TRMT10A: variants seen among roughly 807,000 people sequenced by gnomAD.
The protein encoded by TRMT10A is tRNA methyltransferase 10A.
In TRMT10A, 37 loss-of-function variants were observed where a neutral mutation model predicts 40.4. That is an observed-to-expected ratio of 0.92 (90% CI 0.71 to 1.21). TRMT10A has a LOEUF of 1.21. TRMT10A is among the 50% of genes most tolerant of loss of function. The pLI, the probability that TRMT10A is intolerant of heterozygous loss-of-function variation, is 0.00. For synonymous variants in TRMT10A, 103 were observed against 134.1 expected (o/e 0.77, Z 1.60); for missense variants, 388 against 404.3 (o/e 0.96, Z 0.35).
In TRMT10A at chr4:99,549,135, C is replaced by T; in HGVS notation, c.973G>A (p.Asp325Asn). 6.2e-7 allele frequency: 1 copy of T among 1,614,048 alleles called. No homozygotes were observed. The highest frequency in any genetic ancestry group is 8.5e-7 in the Non-Finnish European group (1 of 1,179,966). Residue 325 changes from aspartate to asparagine, a missense_variant, in exon 8 of 8, where the codon GAT becomes AAT. Coordinates refer to ENST00000394876, the MANE Select transcript of TRMT10A (RefSeq NM_001134665.3). ...ELDSPHEEKQ[D>N]KENHTESTVN... ...GTAGATTCAGTGTGATTTTCCTTAT[C>T]CTGCTTTTCTTCATGTGGTGAATCT...
Position 99,549,262 on chromosome 4 carries a change from G to A in TRMT10A, c.846C>T (p.Asp282=). Residue 282 remains aspartate, a synonymous_variant, in exon 8 of 8, where the codon GAC becomes GAT. Coordinates refer to ENST00000394876, the MANE Select transcript of TRMT10A (RefSeq NM_001134665.3). ...LPQRKGAVPT[D]KACESASHDN... is the part of the protein sequence containing the mutation. ...CATGAGAAGCACTTTCACAGGCTTT[G>A]TCTGTGGGAACAGCTCCTTTCCGTT... The A allele has an allele frequency of 2.5e-6, 4 of 1,614,112 alleles. No individual in the cohort carries two copies. The highest frequency in any genetic ancestry group is 2.5e-6 in the Non-Finnish European group (3 of 1,179,996).
chr4:99,557,757 T>C (rs780688016), intron 3 of TRMT10A: 12 of 411,946 alleles, frequency 2.9e-5, no homozygotes, highest in African/African-American at 2.1e-5. Flanking sequence ...ACCCCACAGA[T>C]CTTTATGATC....
intron 4 of TRMT10A, among the ~76,000 whole-genome samples, chr4:99,557,143 A>G (rs767044518): frequency 6.6e-6 from 1 of 152,218 alleles, no homozygotes; most frequent in African/African-American, 2.4e-5. Context: ...ACTGATGATT[A>G]CTGGAAAGAG....
At chr4:99,552,159 G>A (rs191667667) in intron 6 of TRMT10A, among the ~76,000 whole-genome samples, 1 of 152,064 alleles carries the variant, frequency 6.6e-6, no homozygotes, top group African/African-American at 2.4e-5. Context: ...ATTTAGTATA[G>A]CATAAGTGTA....
At chr4:99,556,078 A>G in intron 5 of TRMT10A, 68 bp downstream of exon 5, 1 of 1,432,418 alleles carries the variant, frequency 7.0e-7, no homozygotes. Context: ...GAATTTAGGT[A>G]CAAAATGTAG....
At position 99,556,144 on chromosome 4, in the gene TRMT10A, A is replaced by C. The variant is rs1358214886; in HGVS notation, c.495+2T>G. 1 of 1,613,130 alleles carries C rather than the reference A, an allele frequency of 6.2e-7. No individual in the cohort carries two copies. Among genetic ancestry groups the C allele is most frequent in the Non-Finnish European group, 8.5e-7 (1 of 1,179,452 alleles). ...ATGTGAGAGTTTATCTGTTTTAATT[A>C]CCTTCCAGTTGACCCATCCTTTGTC... On this transcript the variant is annotated splice_donor_variant, in intron 5 of 7. Transcript: ENST00000394876. LOFTEE classifies it high-confidence loss of function.
intron 1 of TRMT10A, among the ~76,000 whole-genome samples, chr4:99,562,361 A>G (rs1450592026): frequency 2.0e-5 from 3 of 151,454 alleles, no homozygotes; most frequent in African/African-American, 7.3e-5. Flanking sequence ...CAAAAGAAAA[A>G]AAAAAGTTTT....
At chr4:99,563,786 T>C in intron 1 of TRMT10A, 127 bp downstream of exon 1, 1 of 542,870 alleles carries the variant, frequency 1.8e-6, no homozygotes, top group South Asian at 1.6e-5. Flanking sequence ...GGAAACCACT[T>C]CCACACCACT....
chr4:99,553,748 A>G, intron 6 of TRMT10A, 37 bp downstream of exon 6: 1 of 1,571,600 alleles, frequency 6.4e-7, no homozygotes, highest in Non-Finnish European at 8.6e-7. Context: ...ATCAATTTTA[A>G]GAACAAGCAA....
At position 99,548,365 on chromosome 4, in the gene TRMT10A, T is replaced by C. The variant is rs569131817; in HGVS notation, c.*723A>G. ...GGTAAAGACAAAATTGATCTTTCAATAGCAACAGCCTTATAAAATAATTTA... is the reference window on the plus strand; with the variant it reads ...GGTAAAGACAAAATTGATCTTTCAACAGCAACAGCCTTATAAAATAATTTA... On this transcript the variant is annotated 3_prime_UTR_variant, in exon 8 of 8. Transcript: ENST00000394876. The C allele has an allele frequency of 1.3e-5, 2 of 152,240 alleles. No homozygotes were observed. Among genetic ancestry groups the C allele is most frequent in the Admixed American group, 6.5e-5 (1 of 15,288 alleles). The allele number at this position is 152,240 out of a possible 1,614,324, so 9.4% of individuals were successfully genotyped here.
At position 99,564,030 on chromosome 4, in the gene TRMT10A, G is replaced by A; in HGVS notation, c.-141C>T. On this transcript the variant is annotated 5_prime_UTR_variant, in exon 1 of 8. Transcript: ENST00000394876. ...TCAATTCCCAGAGGCAGGGGCGGTA[G>A]TTACGCAGTGGAGGCTACGGCGGTT... 1.3e-6 allele frequency: 2 copies of A among 1,521,410 alleles called. No homozygotes were observed. The highest frequency in any genetic ancestry group is 1.8e-6 in the Non-Finnish European group (2 of 1,134,528). 94.2% of individuals were successfully genotyped at this position (1,521,410 alleles called of 1,614,324 possible). A position where few individuals can be genotyped will look rare whatever the true frequency, so the allele number is the denominator to read the frequency against.
intron 7 of TRMT10A, among the ~76,000 whole-genome samples, chr4:99,550,294 A>T (rs1397249434): frequency 6.6e-6 from 1 of 152,176 alleles, no homozygotes; most frequent in Non-Finnish European, 1.5e-5. Flanking sequence ...AGCTCAGGTG[A>T]TCCTCCCATC....
rs757860360 is a variant in TRMT10A, at chr4:99,557,295, C to T, written c.420+50G>A. ...TAGGAATTATCTATGTCTTTTGCCA[C>T]AAAAGACATAAAAGAAAACTAGAGT... On this transcript the variant is annotated intron_variant, in intron 4 of 7. Coordinates refer to ENST00000394876, the MANE Select transcript of TRMT10A (RefSeq NM_001134665.3). 2.6e-6 allele frequency: 4 copies of T among 1,547,432 alleles called. No homozygotes were observed. In the South Asian group the frequency reaches 4.6e-5, roughly 18 times the overall value.
Position 99,563,895 on chromosome 4 carries a change from C to T in TRMT10A, c.-24+18G>A. ...TACCATAGTGCGGGGGAGCGCCAAC[C>T]AGTGCCAGGACACTTACCGAGCTGA... On this transcript the variant is annotated intron_variant, in intron 1 of 7. Transcript: ENST00000394876. 1.4e-6 allele frequency: 1 copy of T among 727,768 alleles called. No individual in the cohort carries two copies. The highest frequency in any genetic ancestry group is 2.4e-6 in the Non-Finnish European group (1 of 410,362). 45.1% of individuals were successfully genotyped at this position (727,768 alleles called of 1,614,324 possible).
intron 1 of TRMT10A, among the ~76,000 whole-genome samples, chr4:99,561,971 G>A (rs1458411323): frequency 6.6e-6 from 1 of 152,012 alleles, no homozygotes; most frequent in African/African-American, 2.4e-5. Flanking sequence ...CCTGAGGTCA[G>A]GAGTTCAAGA....
In TRMT10A at chr4:99,548,996, G is replaced by A. The variant is rs1480650136; in HGVS notation, c.*92C>T. The A allele has an allele frequency of 4.5e-6, 6 of 1,319,654 alleles. No homozygotes were observed. The highest frequency in any genetic ancestry group is 3.0e-6 in the Non-Finnish European group (3 of 995,070). 81.7% of individuals were successfully genotyped at this position (1,319,654 alleles called of 1,614,324 possible). On this transcript the variant is annotated 3_prime_UTR_variant, in exon 8 of 8. Transcript: ENST00000394876. The stretch of plus-strand genomic sequence containing the variant: ...TTTTTAAAAATCACAACAGAAATAA[G>A]AGAAAATAAAATGTTCTTCCAATTT...
intron 3 of TRMT10A, chr4:99,557,797 A>G (rs1303987178): frequency 1.3e-5 from 6 of 446,850 alleles, no homozygotes; most frequent in Non-Finnish European, 2.4e-5. Context: ...TCTGTCATCT[A>G]GACTACAAAG....
At chr4:99,552,792 C>T (rs1324593382) in intron 6 of TRMT10A, among the ~76,000 whole-genome samples, 1 of 151,728 alleles carries the variant, frequency 6.6e-6, no homozygotes, top group Non-Finnish European at 1.5e-5. Context: ...AATTAAAATC[C>T]TTGAAACCTA....
intron 7 of TRMT10A, among the ~76,000 whole-genome samples, chr4:99,549,930 C>T (rs890563649): frequency 5.9e-5 from 9 of 152,014 alleles, no homozygotes; most frequent in African/African-American, 9.7e-5. Flanking sequence ...TTTGTTGAAT[C>T]GATAATTTCA....
Sources: gnomAD v4.1 joint callset for allele counts (sites outside exome capture counted in the v4.1 genomes callset) on GRCh38, gnomAD v4.1.1 for gene constraint, MANE v1.5 for transcripts, NCBI Gene and HGNC (gene_info 2026-07-23, HGNC 2026-07-21) for gene names.